ATRNL1: variants seen among roughly 807,000 people sequenced by gnomAD.
ATRNL1 encodes the protein attractin like 1.
In ATRNL1, 95 loss-of-function variants were observed where a neutral mutation model predicts 182.7. That is an observed-to-expected ratio of 0.52 (90% confidence interval 0.44 to 0.62). The LOEUF (loss-of-function observed/expected upper bound fraction) is 0.62. Among genes scored for constraint, ATRNL1 ranks in the 20% least tolerant of loss-of-function variants. The probability of loss-of-function intolerance (pLI) is 0.00; values close to 1 mark genes in which losing one functional copy is unlikely to be tolerated. For synonymous variants in ATRNL1, 576 were observed against 568.3 expected (o/e 1.01, Z -0.19); for missense variants, 1,471 against 1,679.5 (o/e 0.88, Z 2.17).
At chr10:115,424,026 AT>A (rs1845766400) in intron 20 of ATRNL1, among the ~76,000 whole-genome samples, 2 of 152,196 alleles carry the variant, frequency 1.3e-5, no homozygotes, top group South Asian at 4.1e-4. Flanking sequence ...TTTGCAAACT[AT>A]GCATCTGATA....
intron 22 of ATRNL1, among the ~76,000 whole-genome samples, chr10:115,464,718 G>A (rs1847969505): frequency 6.6e-6 from 1 of 151,688 alleles, no homozygotes; most frequent in African/African-American, 2.4e-5. Context: ...TCCAGCATAA[G>A]GTACATGTAA....
chr10:115,500,094 A>G (rs12765027), intron 24 of ATRNL1, among the ~76,000 whole-genome samples: 1 of 152,128 alleles, frequency 6.6e-6, no homozygotes, highest in Non-Finnish European at 1.5e-5. Context: ...AACAACCACA[A>G]ACAAAGGAAC....
At chr10:115,856,210 C>T (rs532866114) in intron 28 of ATRNL1, among the ~76,000 whole-genome samples, 1 of 151,952 alleles carries the variant, frequency 6.6e-6, no homozygotes, top group African/African-American at 2.4e-5. Flanking sequence ...AGGTGGATCA[C>T]CTGAGGTCAG....
At chr10:115,546,305 C>G (rs1233387965) in intron 25 of ATRNL1, among the ~76,000 whole-genome samples, 2 of 152,016 alleles carry the variant, frequency 1.3e-5, no homozygotes, top group Non-Finnish European at 2.9e-5. Context: ...TGGCTCACAC[C>G]TGTAATCCCA....
chr10:115,512,595 A>G (rs1592764962), intron 24 of ATRNL1, among the ~76,000 whole-genome samples: 1 of 151,810 alleles, frequency 6.6e-6, no homozygotes, highest in East Asian at 1.9e-4. Context: ...TGCTTTCTAT[A>G]TACTGTCTAC....
chr10:115,690,914 AGGG>A (rs1946373961), intron 26 of ATRNL1, among the ~76,000 whole-genome samples: 1 of 152,136 alleles, frequency 6.6e-6, no homozygotes, highest in Non-Finnish European at 1.5e-5. Context: ...AGTCCACAGT[AGGG>A]ATGTGGACTG....
At chr10:115,932,604 G>C (rs1555121885) in intron 28 of ATRNL1, among the ~76,000 whole-genome samples, 1 of 152,098 alleles carries the variant, frequency 6.6e-6, no homozygotes, top group Non-Finnish European at 1.5e-5. Flanking sequence ...ATTTTGCCAT[G>C]ATCTAGTTTT....
chr10:115,291,877 A>G (rs1379930266), intron 15 of ATRNL1, among the ~76,000 whole-genome samples: 1 of 149,520 alleles, frequency 6.7e-6, no homozygotes, highest in Non-Finnish European at 1.5e-5. Context: ...GACCTCATAG[A>G]ATGAGTTAAG....
chr10:115,436,741 A>C (rs529168822), intron 21 of ATRNL1, among the ~76,000 whole-genome samples: 1 of 152,176 alleles, frequency 6.6e-6, no homozygotes, highest in Non-Finnish European at 1.5e-5. Context: ...GAGCTTGGAG[A>C]GACTGTCATT....
intron 27 of ATRNL1, among the ~76,000 whole-genome samples, chr10:115,827,915 A>G (rs1242631216): frequency 1.3e-5 from 2 of 152,074 alleles, no homozygotes; most frequent in Non-Finnish European, 2.9e-5. Flanking sequence ...CTTGCTCAGC[A>G]CCCAAGACAA....
chr10:115,143,708 G>A (rs1311711561), intron 5 of ATRNL1, among the ~76,000 whole-genome samples: 6 of 152,068 alleles, frequency 3.9e-5, no homozygotes, highest in Non-Finnish European at 2.9e-5. Context: ...AGGAGAGAGC[G>A]AGAGCAAGAG....
rs373029553 is a variant in ATRNL1 at position 115,501,317 on chromosome 10, G to C, written c.3655-17946G>C. The stretch of plus-strand genomic sequence containing the variant: ...GAGTTGGGTGAATTCCTCTTCTCTT[G>C]AGGTTTCAGGATAAACTTGGGGCTC... On this transcript the variant is annotated intron_variant, in intron 24 of 28. Coordinates refer to ENST00000355044, the MANE Select transcript of ATRNL1 (RefSeq NM_207303.4). Among the ~76,000 whole-genome samples the C allele has an allele frequency of 1.5e-4, 23 of 152,188 alleles. No individual in the cohort carries two copies. In the East Asian group the frequency reaches 2.1e-3, roughly 14 times the overall value.
chr10:115,103,733 G>A (rs1264799), intron 1 of ATRNL1, among the ~76,000 whole-genome samples: 52,535 of 151,876 alleles, frequency 0.35, 9,459 homozygotes, highest in African/African-American at 0.43. Context: ...ATTCTACTCT[G>A]TCTCCATGAA....
At chr10:115,441,859 CTGA>C (rs1460982094) in intron 21 of ATRNL1, among the ~76,000 whole-genome samples, 12 of 151,922 alleles carry the variant, frequency 7.9e-5, no homozygotes, top group Admixed American at 2.6e-4. Flanking sequence ...GCCCCCCTCT[CTGA>C]TACCTTTCCT....
At chr10:115,350,346 G>GA (rs71010016) in intron 19 of ATRNL1, among the ~76,000 whole-genome samples, 3 of 66,404 alleles carry the variant, frequency 4.5e-5, no homozygotes, top group African/African-American at 1.8e-4. Context: ...AAAAAAAAAA[G>GA]AAAAAAAAAA....
Position 115,797,465 on chromosome 10 carries a change from G to T in ATRNL1, c.3904-50412G>T, listed in dbSNP as rs183958656. 1.7e-4 allele frequency among the ~76,000 whole-genome samples: 26 copies of T among 152,220 alleles called. No homozygotes were observed. The East Asian group carries it at 4.6e-3, about 27-fold the overall frequency. ...ACCTGGGGCAGAAGGAAGGGCTGGG[G>T]TGCAGGCATCCACAGCCCACCAACT... On this transcript the variant is annotated intron_variant, in intron 27 of 28. Transcript: ENST00000355044.
At chr10:115,098,461 T>A (rs1288151509) in intron 1 of ATRNL1, among the ~76,000 whole-genome samples, 1 of 77,352 alleles carries the variant, frequency 1.3e-5, no homozygotes, top group African/African-American at 3.7e-5. Flanking sequence ...TTCTTTTTTT[T>A]TTTTTTTTTT....
chr10:115,713,853 C>G (rs1157288601), intron 26 of ATRNL1, among the ~76,000 whole-genome samples: 1 of 152,016 alleles, frequency 6.6e-6, no homozygotes, highest in African/African-American at 2.4e-5. Flanking sequence ...TCTCAGTTGC[C>G]CCAAGTTTGG....
intron 19 of ATRNL1, among the ~76,000 whole-genome samples, chr10:115,377,689 C>T (rs1049047483): frequency 1.3e-5 from 2 of 152,160 alleles, no homozygotes; most frequent in Admixed American, 6.5e-5. Context: ...CAAAATTTGA[C>T]AGTCTGTATA....
Sources: allele counts gnomAD v4.1 joint callset (sites outside exome capture counted in the v4.1 genomes callset), GRCh38; gene constraint gnomAD v4.1.1; transcripts MANE v1.5; gene names NCBI Gene and HGNC (gene_info 2026-07-23, HGNC 2026-07-21).